Variants in THSD7A observed in about 807,000 individuals in gnomAD.
THSD7A encodes the protein thrombospondin type-1 domain-containing protein 7A.
Under a neutral mutation model 231.3 loss-of-function variants are expected in THSD7A, and 96 were observed. The observed-to-expected ratio is 0.41, with a 90% CI of 0.35 to 0.49. The LOEUF is 0.49. Among genes scored for constraint, THSD7A ranks in the 20% least tolerant of loss-of-function variants. The pLI, the probability that THSD7A is intolerant of heterozygous loss-of-function variation, is 0.05. For synonymous variants in THSD7A, 940 were observed against 743.3 expected (o/e 1.26, Z -4.30); for missense variants, 2,290 against 2,070.2 (o/e 1.11, Z -2.06).
rs573062686 is a variant in THSD7A, at chr7:11,774,027, A to T, written c.190+57730T>A. On this transcript the variant is annotated intron_variant, in intron 1 of 27. Transcript: ENST00000423059. ...AAATAGCATAGTTCTTCAACAGTAG[A>T]ATTACCCAAACAGTAATAATCAATA... 2.4e-4 allele frequency among the ~76,000 whole-genome samples: 37 copies of T among 152,314 alleles called. No homozygotes were observed. In the South Asian group the frequency reaches 7.5e-3, roughly 31 times the overall value.
intron 23 of THSD7A, among the ~76,000 whole-genome samples, chr7:11,386,827 G>A (rs142056478): frequency 0.27 from 41,628 of 151,992 alleles, 5,992 homozygotes; most frequent in Non-Finnish European, 0.32. Context: ...TTTCTTCTAC[G>A]GTTTTTACGG....
Position 11,732,319 on chromosome 7 carries a change from G to A in THSD7A, c.191-95358C>T, listed in dbSNP as rs954231951. 5.3e-5 allele frequency among the ~76,000 whole-genome samples: 8 copies of A among 151,688 alleles called. No individual in the cohort carries two copies. In the South Asian group the frequency reaches 1.5e-3, roughly 28 times the overall value. On this transcript the variant is annotated intron_variant, in intron 1 of 27. Coordinates refer to ENST00000423059, the MANE Select transcript of THSD7A (RefSeq NM_015204.3). ...GCCTAATCTTAAAATGTAAATAGAT[G>A]AACTGCAATTCAGAAATGTAAAATA...
intron 4 of THSD7A, 76 bp from the exon 5 acceptor site, chr7:11,543,193 T>C (rs748220854): frequency 3.6e-6 from 5 of 1,390,514 alleles, no homozygotes; most frequent in African/African-American, 1.4e-5. Flanking sequence ...TTTTTCTGTG[T>C]GTATGGAAAA....
intron 1 of THSD7A, among the ~76,000 whole-genome samples, chr7:11,666,648 C>T (rs1783144871): frequency 6.7e-6 from 1 of 149,324 alleles, no homozygotes; most frequent in Non-Finnish European, 1.5e-5. Flanking sequence ...GTATAATATA[C>T]AGTATACTGC....
In THSD7A at chr7:11,393,354, C is replaced by G. The variant is rs55725195; in HGVS notation, c.4411+8441G>C. On this transcript the variant is annotated intron_variant, in intron 23 of 27. Coordinates refer to ENST00000423059, the MANE Select transcript of THSD7A (RefSeq NM_015204.3). ...AAAAAGGATGTCCACTCAGAGACCCCGAACTGAAGGTAACCAACATCAAAG... is the reference window on the plus strand; with the variant it reads ...AAAAAGGATGTCCACTCAGAGACCCGGAACTGAAGGTAACCAACATCAAAG... Among the ~76,000 whole-genome samples the G allele has an allele frequency of 1.8e-3, 273 of 152,172 alleles. 1 individual carries two copies. Among genetic ancestry groups the G allele is most frequent in the Middle Eastern group, 0.01 (3 of 294 alleles).
At chr7:11,473,577 C>G (rs1013386401) in intron 8 of THSD7A, among the ~76,000 whole-genome samples, 2 of 152,054 alleles carry the variant, frequency 1.3e-5, no homozygotes, top group African/African-American at 4.8e-5. Context: ...AAAAATAAAG[C>G]TTTTTCCCCT....
At chr7:11,813,908 C>T (rs1040858953) in intron 1 of THSD7A, among the ~76,000 whole-genome samples, 22 of 151,946 alleles carry the variant, frequency 1.4e-4, no homozygotes, top group Admixed American at 6.6e-5. Flanking sequence ...TTCATAATAG[C>T]CAAAAGGTAG....
intron 1 of THSD7A, among the ~76,000 whole-genome samples, chr7:11,765,856 G>A (rs563654388): frequency 2.0e-5 from 3 of 152,118 alleles, no homozygotes; most frequent in South Asian, 4.1e-4. Flanking sequence ...TTAAAAATAG[G>A]TCAGAACCTG....
chr7:11,756,710 T>A (rs1366337819), intron 1 of THSD7A, among the ~76,000 whole-genome samples: 1 of 152,096 alleles, frequency 6.6e-6, no homozygotes, highest in East Asian at 1.9e-4. Context: ...TATTAAGCTC[T>A]GCAGTAAGCT....
At chr7:11,424,886 G>C (rs1056595633) in intron 15 of THSD7A, 57 bp from the exon 16 acceptor site, 1 of 1,601,370 alleles carries the variant, frequency 6.2e-7, no homozygotes, top group Non-Finnish European at 8.5e-7. Flanking sequence ...TGAGGAGGAA[G>C]ACTTCCACAC....
chr7:11,452,101 C>T (rs1785165474), intron 11 of THSD7A, among the ~76,000 whole-genome samples: 1 of 151,892 alleles, frequency 6.6e-6, no homozygotes, highest in South Asian at 2.1e-4. Flanking sequence ...ACAATATTAA[C>T]ATGGTTTATA....
intron 13 of THSD7A, among the ~76,000 whole-genome samples, chr7:11,432,341 CAA>C (rs1784501551): frequency 6.6e-6 from 1 of 152,006 alleles, no homozygotes; most frequent in South Asian, 2.1e-4. Context: ...ATACATTTGT[CAA>C]AGATATTTGT....
At chr7:11,573,279 C>G (rs943365898) in intron 4 of THSD7A, among the ~76,000 whole-genome samples, 8 of 152,348 alleles carry the variant, frequency 5.3e-5, no homozygotes, top group African/African-American at 1.9e-4. Context: ...CAGCCAAACT[C>G]TGGCCAAGGA....
intron 23 of THSD7A, among the ~76,000 whole-genome samples, chr7:11,392,943 G>A (rs1783042447): frequency 1.3e-5 from 2 of 152,210 alleles, no homozygotes; most frequent in Middle Eastern, 3.2e-3. Context: ...CTGGGGGAAG[G>A]GGCAGCTGTG....
chr7:11,487,624 C>T (rs1464247987), intron 6 of THSD7A, among the ~76,000 whole-genome samples: 1 of 152,068 alleles, frequency 6.6e-6, no homozygotes, highest in South Asian at 2.1e-4. Flanking sequence ...TACAGTTCCA[C>T]ATGGCTGGAA....
chr7:11,384,936 T>C (rs1782670539), intron 23 of THSD7A: 1 of 152,028 alleles, frequency 6.6e-6, no homozygotes. Flanking sequence ...CATGTTATAA[T>C]ATTGGGGCTT....
At chr7:11,433,961 A>C (rs1375059567) in intron 13 of THSD7A, among the ~76,000 whole-genome samples, 1 of 152,034 alleles carries the variant, frequency 6.6e-6, no homozygotes, top group East Asian at 1.9e-4. Flanking sequence ...ATAAAGATAA[A>C]ACTGCAAAAG....
chr7:11,825,575 C>A (rs762705834), intron 1 of THSD7A, among the ~76,000 whole-genome samples: 7 of 152,056 alleles, frequency 4.6e-5, no homozygotes, highest in Non-Finnish European at 1.0e-4. Context: ...TCTGACAGAA[C>A]AATAGCAATA....
At chr7:11,501,158 T>A (rs188310510) in intron 6 of THSD7A, among the ~76,000 whole-genome samples, 1 of 152,008 alleles carries the variant, frequency 6.6e-6, no homozygotes, top group Admixed American at 6.6e-5. Context: ...CAAAGAGACA[T>A]AGACTCCCCA....
Sources: allele counts gnomAD v4.1 joint callset (sites outside exome capture counted in the v4.1 genomes callset), GRCh38; gene constraint gnomAD v4.1.1; transcripts MANE v1.5; gene names NCBI Gene and HGNC (gene_info 2026-07-23, HGNC 2026-07-21).